SEL1L2: variants seen among roughly 807,000 people sequenced by gnomAD.
The protein encoded by SEL1L2 is protein sel-1 homolog 2.
A neutral mutation model predicts 98.8 loss-of-function variants in SEL1L2; 89 were observed. The ratio of observed to expected loss-of-function variants is 0.90; its 90% CI spans 0.76 to 1.07. The LOEUF (loss-of-function observed/expected upper bound fraction) is 1.07, where lower values mean the gene tolerates loss of function less well. SEL1L2 is among the 50% of genes least tolerant of loss of function. SEL1L2 has a pLI of 0.00. For missense variants in SEL1L2, 788 were observed against 812.0 expected (o/e 0.97, Z 0.36); for synonymous variants, 262 against 278.5 (o/e 0.94, Z 0.59).
At chr20:13,926,233 TG>T (rs2048894180) in intron 3 of SEL1L2, among the ~76,000 whole-genome samples, 1 of 152,102 alleles carries the variant, frequency 6.6e-6, no homozygotes, top group African/African-American at 2.4e-5. Flanking sequence ...GAGAATGGCG[TG>T]AACCCTGGAG....
intron 1 of SEL1L2, among the ~76,000 whole-genome samples, 169 bp from the exon 2 acceptor site, chr20:13,956,300 C>T (rs1372057548): frequency 2.0e-5 from 3 of 151,906 alleles, no homozygotes; most frequent in Non-Finnish European, 4.4e-5. Flanking sequence ...AAAAATAATT[C>T]CTTCACTGAT....
chr20:13,979,212 A>G (rs1033347473), intron 1 of SEL1L2, among the ~76,000 whole-genome samples: 1 of 152,230 alleles, frequency 6.6e-6, no homozygotes, highest in African/African-American at 2.4e-5. Context: ...AATTGAGCTC[A>G]TATAAGTGAC....
At chr20:13,950,055 G>C (rs2050194920) in intron 2 of SEL1L2, among the ~76,000 whole-genome samples, 1 of 152,170 alleles carries the variant, frequency 6.6e-6, no homozygotes. Context: ...ATTATGCCAA[G>C]TGAAATAAGT....
At position 13,849,325 on chromosome 20, in the gene SEL1L2, T is replaced by A; in HGVS notation, c.*160A>T. 2.3e-6 allele frequency: 2 copies of A among 864,278 alleles called. No homozygotes were observed. The highest frequency in any genetic ancestry group is 1.7e-5 in the South Asian group (1 of 57,586). The allele number at this position is 864,278 out of a possible 1,614,324, so 53.5% of individuals were successfully genotyped here. On this transcript the variant is annotated 3_prime_UTR_variant, in exon 20 of 20. Coordinates refer to ENST00000284951, the MANE Select transcript of SEL1L2 (RefSeq NM_025229.2). ...TCTCTACTAAGCAGGAAGTCTGAAG[T>A]TGTTTCTCTAGGATGGTCCCCAAGT... is the stretch of plus-strand genomic sequence containing the variant.
intron 2 of SEL1L2, among the ~76,000 whole-genome samples, chr20:13,953,818 C>G: frequency 6.6e-6 from 1 of 152,152 alleles, no homozygotes; most frequent in East Asian, 1.9e-4. Flanking sequence ...GACAAGGACC[C>G]TGTTTTTAGC....
upstream of SEL1L2, among the ~76,000 whole-genome samples, chr20:13,992,112 G>A (rs1245201775): frequency 6.6e-6 from 1 of 152,168 alleles, no homozygotes; most frequent in Non-Finnish European, 1.5e-5. Flanking sequence ...CAGAGTCAGG[G>A]AAGGCTTTGC....
chr20:13,985,876 A>G (rs1375319556), intron 1 of SEL1L2, among the ~76,000 whole-genome samples: 1 of 152,186 alleles, frequency 6.6e-6, no homozygotes, highest in African/African-American at 2.4e-5. Flanking sequence ...TTTGCTTATT[A>G]TGGACATTTC....
intron 5 of SEL1L2, among the ~76,000 whole-genome samples, chr20:13,896,282 C>T (rs2047420143): frequency 6.6e-6 from 1 of 152,046 alleles, no homozygotes; most frequent in Admixed American, 6.6e-5. Context: ...CCATCCTGGC[C>T]AACATGGTGA....
chr20:13,886,206 T>C, intron 9 of SEL1L2, 82 bp downstream of exon 9: 1 of 1,000,718 alleles, frequency 1.0e-6, no homozygotes, highest in Non-Finnish European at 1.5e-6. Context: ...TGGGGCATTG[T>C]TCATCCCTCC....
At position 13,894,531 on chromosome 20, in the gene SEL1L2, G is replaced by C. The variant is rs79820930; in HGVS notation, c.550-6019C>G. ...GCAGAGGTCACACCACTGCTCTCCA[G>C]CCTGGGCAACAGAGCAAGACTTCGG... On this transcript the variant is annotated intron_variant, in intron 5 of 19. Transcript: ENST00000284951. Among the ~76,000 whole-genome samples, 204 of 152,316 alleles carry C rather than the reference G, an allele frequency of 1.3e-3. 3 individuals are homozygous for C. Among genetic ancestry groups the C allele is most frequent in the African/African-American group, 4.4e-3 (183 of 41,570 alleles).
intron 5 of SEL1L2, among the ~76,000 whole-genome samples, chr20:13,901,318 C>T (rs1312868887): frequency 6.6e-6 from 1 of 152,118 alleles, no homozygotes; most frequent in African/African-American, 2.4e-5. Context: ...GATCTGCCCG[C>T]CTCAGCCTCC....
At chr20:13,948,321 G>A (rs368590678) in intron 2 of SEL1L2, among the ~76,000 whole-genome samples, 1 of 151,316 alleles carries the variant, frequency 6.6e-6, no homozygotes, top group East Asian at 1.9e-4. Flanking sequence ...TCTTGAAAAA[G>A]AAGACTAAAG....
At chr20:13,981,305 G>T (rs571856416) in intron 1 of SEL1L2, among the ~76,000 whole-genome samples, 4 of 152,144 alleles carry the variant, frequency 2.6e-5, no homozygotes, top group Non-Finnish European at 5.9e-5. Flanking sequence ...GGCTGGGGAG[G>T]GGGGTGTGGG....
chr20:13,932,407 AATTATTATTATTATTATT>A (rs140408055), intron 2 of SEL1L2, among the ~76,000 whole-genome samples: 25 of 144,926 alleles, frequency 1.7e-4, no homozygotes, highest in Non-Finnish European at 2.4e-4. Flanking sequence ...TTCCTTTGTC[AATTATTATTATTATTATT>A]ATTATTATTA....
chr20:13,868,827 C>T (rs1033366047), intron 14 of SEL1L2, among the ~76,000 whole-genome samples: 10 of 151,860 alleles, frequency 6.6e-5, no homozygotes, highest in Non-Finnish European at 1.5e-4. Flanking sequence ...AGGCTGGTCT[C>T]GAATTCGTGA....
chr20:13,941,372 T>A (rs2049768889), intron 2 of SEL1L2, among the ~76,000 whole-genome samples: 2 of 152,190 alleles, frequency 1.3e-5, no homozygotes, highest in African/African-American at 4.8e-5. Flanking sequence ...GTAACGGTGG[T>A]CTTTGAATGC....
Position 13,881,162 on chromosome 20 carries a change from C to T in SEL1L2, c.958-3574G>A, listed in dbSNP as rs568600984. ...CTGAGTGGCTGGGACTACAGGCGTG[C>T]ACCACCATGCCCAGCTAATTTTTGT... On this transcript the variant is annotated intron_variant, in intron 10 of 19. Coordinates refer to ENST00000284951, the MANE Select transcript of SEL1L2 (RefSeq NM_025229.2). 2.2e-4 allele frequency among the ~76,000 whole-genome samples: 34 copies of T among 152,252 alleles called. No individual in the cohort carries two copies. In the South Asian group the frequency reaches 7.1e-3, roughly 32 times the overall value.
At position 13,887,868 on chromosome 20, in the gene SEL1L2, G is replaced by A. The variant is rs776761447; in HGVS notation, c.664-18C>T. On this transcript the variant is annotated intron_variant, in intron 7 of 19. Coordinates refer to ENST00000284951, the MANE Select transcript of SEL1L2 (RefSeq NM_025229.2). ...CTGTACCCCTAAAACACAGACAGAT[G>A]CATTCTTAATATTCAAGACAATGCT... is the stretch of plus-strand genomic sequence containing the variant. 10 of 1,606,328 alleles carry A rather than the reference G, an allele frequency of 6.2e-6. No individual in the cohort carries two copies. The highest frequency in any genetic ancestry group is 1.6e-4 in the Middle Eastern group (1 of 6,066).
At chr20:13,924,929 A>G (rs2048817043) in intron 3 of SEL1L2, among the ~76,000 whole-genome samples, 1 of 152,102 alleles carries the variant, frequency 6.6e-6, no homozygotes, top group Admixed American at 6.6e-5. Context: ...ACCTGAGATC[A>G]GGAGTTCGAG....
Sources: gnomAD v4.1 joint callset for allele counts (sites outside exome capture counted in the v4.1 genomes callset) on GRCh38, gnomAD v4.1.1 for gene constraint, MANE v1.5 for transcripts, NCBI Gene and HGNC (gene_info 2026-07-23, HGNC 2026-07-21) for gene names.